The following PGD variants were observed in gnomAD, a reference collection of about 807,000 sequenced individuals.
PGD encodes the protein 6-phosphogluconate dehydrogenase, decarboxylating.
PGD carries 21 observed loss-of-function variants against 60.4 expected under a neutral mutation model. The observed-to-expected ratio is 0.35, with a 90% CI of 0.25 to 0.50. The LOEUF is 0.50. PGD is among the 20% of genes least tolerant of loss of function. PGD has a pLI of 0.98. For synonymous variants in PGD, 230 were observed against 235.9 expected, an observed-to-expected ratio of 0.97 and a Z score of 0.23; for missense variants, 477 against 613.1, an observed-to-expected ratio of 0.78 and a Z score of 2.34.
Position 10,400,429 on chromosome 1 carries a change from G to C in PGD, c.121G>C (p.Asp41His), listed in dbSNP as rs770050032. Reference protein sequence around the residue: ...AFNRTVSKVDDFLANEAKGTK... With the variant: ...AFNRTVSKVDHFLANEAKGTK... ...TAATAGGACTGTCTCCAAAGTTGAT[G>C]ATTTCTTGGCCAATGAGGCAAAGGG... Residue 41 changes from aspartate to histidine, a missense_variant, in exon 3 of 13, where the codon GAT becomes CAT. Asp to His is a moderately conservative substitution (Grantham distance 81, BLOSUM62 -1). This residue lies in a region of PGD where 431 missense variants were observed against 556.6 expected (regional missense o/e 0.77). Coordinates refer to ENST00000270776, the MANE Select transcript of PGD (RefSeq NM_002631.4). The C allele has an allele frequency of 1.1e-5, 17 of 1,613,924 alleles. No individual in the cohort carries two copies. The South Asian group carries it at 1.8e-4, about 17-fold the overall frequency.
intron 6 of PGD, among the ~76,000 whole-genome samples, chr1:10,408,629 T>TA (rs1639447353): frequency 6.6e-6 from 1 of 152,190 alleles, no homozygotes; most frequent in African/African-American, 2.4e-5. Context: ...GCACCCTCAC[T>TA]GAATATGAAG....
chr1:10,399,699 T>C lies in PGD; in HGVS notation c.79T>C (p.Phe27Leu). Residue 27 changes from phenylalanine (F) to leucine (L), a missense_variant, in exon 2 of 13, where the codon TTT becomes CTT. Coordinates refer to ENST00000270776, the MANE Select transcript of PGD (RefSeq NM_002631.4). ...NLILNMNDHG[F>L]VVCAFNRTVS... ...AATTCTGAACATGAATGACCACGGC[T>C]TTGTGGTAAGCGGCGTGGGCGCGTT... 6.2e-7 allele frequency: 1 copy of C among 1,613,904 alleles called. No individual in the cohort carries two copies. The highest frequency in any genetic ancestry group is 8.5e-7 in the Non-Finnish European group (1 of 1,179,818).
chr1:10,414,100 A>G (rs1027657176), intron 8 of PGD, among the ~76,000 whole-genome samples: 1 of 152,142 alleles, frequency 6.6e-6, no homozygotes, highest in Admixed American at 6.5e-5. Flanking sequence ...GTACTCAGAA[A>G]TTATTAAAAA....
rs140036200 is a variant in PGD at position 10,399,656 on chromosome 1, C to G, written c.36C>G (p.Ala12=). 20 of 1,613,944 alleles carry G rather than the reference C, an allele frequency of 1.2e-5. No homozygotes were observed. Among genetic ancestry groups the G allele is most frequent in the South Asian group, 3.3e-5 (3 of 91,086 alleles). ...AQADIALIGL[A]VMGQNLILNM... ...CTGACATCGCGCTGATCGGATTGGC[C>G]GTCATGGGCCAGAACTTAATTCTGA... The change falls in exon 2 of 13, where the codon GCC becomes GCG. Residue 12 remains alanine, a synonymous_variant. Transcript: ENST00000270776.
Position 10,419,757 on chromosome 1 carries a change from G to C in PGD, c.*8G>C. 1.9e-6 allele frequency: 3 copies of C among 1,614,126 alleles called. No homozygotes were observed. Among genetic ancestry groups the C allele is most frequent in the Non-Finnish European group, 2.5e-6 (3 of 1,180,020 alleles). On this transcript the variant is annotated 3_prime_UTR_variant, in exon 13 of 13. Coordinates refer to ENST00000270776, the MANE Select transcript of PGD (RefSeq NM_002631.4). Reference sequence around the variant, plus strand: ...TCGTCATACAATGCCTGATCATGCTGCTCCTGTCACCCTCCACGATTCCAC... The same window carrying C: ...TCGTCATACAATGCCTGATCATGCTCCTCCTGTCACCCTCCACGATTCCAC...
intron 8 of PGD, among the ~76,000 whole-genome samples, chr1:10,413,962 A>G (rs1457585851): frequency 6.6e-6 from 1 of 152,000 alleles, no homozygotes. Flanking sequence ...AGGTTGAGCC[A>G]TGAGAATCGC....
At chr1:10,415,466 C>T (rs984797183) in intron 8 of PGD, 1 of 152,170 alleles carries the variant, frequency 6.6e-6, no homozygotes, top group African/African-American at 2.4e-5. Context: ...GTGGCTGGGC[C>T]CACCCCCTGC....
At chr1:10,419,019 G>GT (rs1401661740) in intron 11 of PGD, 94 bp downstream of exon 11, 5 of 756,060 alleles carry the variant, frequency 6.6e-6, no homozygotes, top group Admixed American at 2.3e-5. Flanking sequence ...TTGGTTTTTT[G>GT]TTTTTTTGAG....
chr1:10,406,252 T>C (rs769812723), intron 5 of PGD, among the ~76,000 whole-genome samples: 3 of 152,106 alleles, frequency 2.0e-5, no homozygotes, highest in African/African-American at 4.8e-5. Context: ...TTTCTGCTTC[T>C]CAGAAGTTTA....
intron 8 of PGD, among the ~76,000 whole-genome samples, chr1:10,414,732 C>T (rs141209721): frequency 2.4e-4 from 37 of 151,968 alleles, no homozygotes; most frequent in East Asian, 1.9e-4. Flanking sequence ...AAAAGGAGAA[C>T]GAAGGATGCC....
Position 10,413,165 on chromosome 1 carries a change from A to G in PGD, c.758A>G (p.Lys253Arg), listed in dbSNP as rs375996998. The G allele has an allele frequency of 6.5e-5, 105 of 1,614,098 alleles. No individual in the cohort carries two copies. The African/African-American group carries it at 1.3e-3, about 20-fold the overall frequency. Residue 253 changes from lysine to arginine, a missense_variant, in exon 8 of 13, where the codon AAG (lysine) becomes AGG (arginine). Physicochemically the swap from Lys to Arg is conservative, Grantham distance 26. Transcript: ENST00000270776. ...QDTDGKHLLP[K>R]IRDSAGQKGT... is the part of the protein sequence containing the mutation. ...ACCGATGGCAAACACCTGCTGCCAA[A>G]GATCAGGGACAGCGCGGGGCAGAAG...
intron 6 of PGD, among the ~76,000 whole-genome samples, chr1:10,408,597 G>C (rs981606070): frequency 5.3e-5 from 8 of 152,120 alleles, no homozygotes; most frequent in Non-Finnish European, 1.0e-4. Flanking sequence ...TTCTGTGCTT[G>C]AACAAAGTAA....
chr1:10,419,635 G>A lies in PGD; in HGVS notation c.1338G>A (p.Gln446=), dbSNP rs1027790525. 4 of 1,614,106 alleles carry A rather than the reference G, an allele frequency of 2.5e-6. No individual in the cohort carries two copies. The highest frequency in any genetic ancestry group is 2.2e-5 in the East Asian group (1 of 44,896). Residue 446 remains glutamine, a synonymous_variant, in exon 13 of 13, where the codon CAG becomes CAA. Transcript: ENST00000270776. ...CCTACTCTCTCGTTTCCTAGGCTCA[G>A]CGGGATTACTTCGGGGCTCACACCT... ...EMLPASLIQA[Q]RDYFGAHTYE...
chr1:10,401,668 G>A (rs1639318268), intron 3 of PGD, among the ~76,000 whole-genome samples: 1 of 152,186 alleles, frequency 6.6e-6, no homozygotes, highest in Non-Finnish European at 1.5e-5. Context: ...CTTCAGTATA[G>A]GAAAATACTA....
At position 10,418,896 on chromosome 1, in the gene PGD, T is replaced by G; in HGVS notation, c.1180T>G (p.Phe394Val). ...PELQNLLLDD[F>V]FKSAVENCQD... ...ACTTCAGAACCTCCTACTGGACGAC[T>G]TCTTTAAGTCAGCTGTTGAAAACTG... Residue 394 changes from phenylalanine to valine, a missense_variant, in exon 11 of 13, where the codon TTC (phenylalanine) becomes GTC (valine). Coordinates refer to ENST00000270776, the MANE Select transcript of PGD (RefSeq NM_002631.4). 2 of 1,611,388 alleles carry G rather than the reference T, an allele frequency of 1.2e-6. No individual in the cohort carries two copies. Among genetic ancestry groups the G allele is most frequent in the Non-Finnish European group, 1.7e-6 (2 of 1,177,562 alleles).
At chr1:10,401,134 G>A (rs1157731900) in intron 3 of PGD, among the ~76,000 whole-genome samples, 1 of 152,186 alleles carries the variant, frequency 6.6e-6, no homozygotes, top group Non-Finnish European at 1.5e-5. Flanking sequence ...GAACCTGGGA[G>A]GTGGAGGTTA....
At chr1:10,418,990 G>T in intron 11 of PGD, 65 bp downstream of exon 11, 1 of 948,696 alleles carries the variant, frequency 1.1e-6, no homozygotes, top group Non-Finnish European at 1.7e-6. Flanking sequence ...TGTGATGTTT[G>T]GTTTTTTGTT....
At chr1:10,399,301 G>C (rs1442418185) in intron 1 of PGD, among the ~76,000 whole-genome samples, 176 bp downstream of exon 1, 1 of 152,210 alleles carries the variant, frequency 6.6e-6, no homozygotes, top group African/African-American at 2.4e-5. Flanking sequence ...TTCCCTGCGG[G>C]CCCGGCCCCC....
Position 10,404,296 on chromosome 1 carries a change from C to T in PGD, c.449+17C>T. ...AGAAGCGTGGTGAGTGCCATCAGCA[C>T]TGTGCCCATCTCTGTACAAGGGAGC... On this transcript the variant is annotated intron_variant, in intron 5 of 12. Coordinates refer to ENST00000270776, the MANE Select transcript of PGD (RefSeq NM_002631.4). The T allele has an allele frequency of 2.7e-6, 4 of 1,479,886 alleles. No homozygotes were observed. Among genetic ancestry groups the T allele is most frequent in the Non-Finnish European group, 3.7e-6 (4 of 1,067,588 alleles). 91.7% of individuals were successfully genotyped at this position (1,479,886 alleles called of 1,614,324 possible).
Sources: allele counts gnomAD v4.1 joint callset (sites outside exome capture counted in the v4.1 genomes callset), GRCh38; gene constraint gnomAD v4.1.1; regional missense constraint gnomAD v4.1.1; transcripts MANE v1.5; gene names NCBI Gene and HGNC (gene_info 2026-07-23, HGNC 2026-07-21).